Variants in LUZP2 observed in about 807,000 individuals in gnomAD.
The protein encoded by LUZP2 is leucine zipper protein 2.
A neutral mutation model predicts 51.6 loss-of-function variants in LUZP2; 52 were observed. The ratio of observed to expected loss-of-function variants is 1.01; its 90% CI spans 0.81 to 1.27. The LOEUF is 1.27. Ranked by LOEUF, LUZP2 falls within the 50% of genes most tolerant of loss-of-function variation. LUZP2 has a pLI of 0.00. For synonymous variants in LUZP2, 154 were observed against 137.3 expected (o/e 1.12, Z -0.85); for missense variants, 436 against 395.4 (o/e 1.10, Z -0.87).
At chr11:24,509,049 G>A (rs1226403889) in intron 1 of LUZP2, among the ~76,000 whole-genome samples, 1 of 152,140 alleles carries the variant, frequency 6.6e-6, no homozygotes, top group African/African-American at 2.4e-5. Context: ...GTAGAATGAT[G>A]GGACAAAGAA....
chr11:24,932,050 G>T (rs968676792), intron 7 of LUZP2, among the ~76,000 whole-genome samples: 7 of 152,172 alleles, frequency 4.6e-5, no homozygotes, highest in African/African-American at 1.7e-4. Context: ...ACCCACCAGA[G>T]CTACTGGGCT....
At chr11:24,739,181 G>A (rs1859046207) in intron 4 of LUZP2, among the ~76,000 whole-genome samples, 1 of 151,982 alleles carries the variant, frequency 6.6e-6, no homozygotes. Context: ...TGGGTAAGAG[G>A]CTTTGTTGTG....
At chr11:25,024,270 C>G (rs1257301748) in intron 9 of LUZP2, among the ~76,000 whole-genome samples, 2 of 152,034 alleles carry the variant, frequency 1.3e-5, no homozygotes, top group Non-Finnish European at 1.5e-5. Flanking sequence ...CACTCCTATT[C>G]AACGTAGTGT....
At chr11:24,512,840 C>T (rs539070884) in intron 1 of LUZP2, among the ~76,000 whole-genome samples, 37 of 151,764 alleles carry the variant, frequency 2.4e-4, no homozygotes, top group African/African-American at 8.9e-4. Flanking sequence ...ACCTCCGCCT[C>T]CTGGGTACAA....
chr11:24,819,145 A>G (rs1397844310), intron 5 of LUZP2, among the ~76,000 whole-genome samples: 1 of 152,084 alleles, frequency 6.6e-6, no homozygotes, highest in Non-Finnish European at 1.5e-5. Context: ...AGAAAAGGGA[A>G]GGGAGGCAAA....
chr11:25,012,192 C>T lies in LUZP2; in HGVS notation c.765+28899C>T, dbSNP rs1037211921. On this transcript the variant is annotated intron_variant, in intron 9 of 11. Coordinates refer to ENST00000336930, the MANE Select transcript of LUZP2 (RefSeq NM_001009909.4). ...CACTGAGTGACACTTTCCCAGGTCT[C>T]TCACTTACGCAAAATATAATAACCT... Among the ~76,000 whole-genome samples the T allele has an allele frequency of 2.6e-5, 4 of 152,188 alleles. 1 individual carries two copies. The highest frequency in any genetic ancestry group is 2.6e-4 in the Admixed American group (4 of 15,268).
chr11:24,802,161 A>G (rs952855512), intron 5 of LUZP2, among the ~76,000 whole-genome samples: 4 of 151,372 alleles, frequency 2.6e-5, no homozygotes, highest in African/African-American at 9.7e-5. Context: ...ATTTAATTAG[A>G]CTCATACAAT....
chr11:24,697,912 G>A (rs538670650), intron 1 of LUZP2, among the ~76,000 whole-genome samples: 2 of 152,176 alleles, frequency 1.3e-5, no homozygotes, highest in East Asian at 1.9e-4. Flanking sequence ...TCACACTAAG[G>A]AACTGATTCA....
At chr11:24,865,173 G>T (rs921707580) in intron 5 of LUZP2, among the ~76,000 whole-genome samples, 1 of 152,190 alleles carries the variant, frequency 6.6e-6, no homozygotes, top group African/African-American at 2.4e-5. Flanking sequence ...GCTGTGCCAT[G>T]TACTACTTTT....
At chr11:24,920,159 A>G (rs186927577) in intron 7 of LUZP2, among the ~76,000 whole-genome samples, 328 of 152,060 alleles carry the variant, frequency 2.2e-3, no homozygotes, top group Middle Eastern at 0.01. Context: ...AATTCAATCT[A>G]TCAACTTCTC....
chr11:24,861,318 C>G (rs1851733954), intron 5 of LUZP2, among the ~76,000 whole-genome samples: 1 of 152,082 alleles, frequency 6.6e-6, no homozygotes, highest in South Asian at 2.1e-4. Context: ...AGGACCAAAC[C>G]TACAATTGAT....
chr11:24,937,911 A>AG (rs1397226160), intron 7 of LUZP2, among the ~76,000 whole-genome samples: 2 of 151,800 alleles, frequency 1.3e-5, no homozygotes, highest in African/African-American at 2.4e-5. Flanking sequence ...AAAAAAAAAA[A>AG]AAAGAAAGAA....
intron 5 of LUZP2, among the ~76,000 whole-genome samples, chr11:24,867,220 C>G (rs773821205): frequency 1.3e-5 from 2 of 152,070 alleles, no homozygotes; most frequent in African/African-American, 4.8e-5. Context: ...TCTCATCTTA[C>G]GGTAAGACAA....
intron 1 of LUZP2, among the ~76,000 whole-genome samples, chr11:24,564,411 A>G (rs1590185257): frequency 6.6e-6 from 1 of 152,184 alleles, no homozygotes; most frequent in East Asian, 1.9e-4. Context: ...AAATAAGGCA[A>G]ATTACTATCA....
At chr11:24,522,658 C>T (rs1179222162) in intron 1 of LUZP2, among the ~76,000 whole-genome samples, 3 of 151,944 alleles carry the variant, frequency 2.0e-5, no homozygotes, top group Non-Finnish European at 4.4e-5. Flanking sequence ...TATTGCCAAT[C>T]CTAAAGCACT....
intron 5 of LUZP2, among the ~76,000 whole-genome samples, chr11:24,792,213 G>A (rs1849428369): frequency 6.6e-6 from 1 of 151,944 alleles, no homozygotes; most frequent in African/African-American, 2.4e-5. Context: ...CGGGCCATGA[G>A]GTCAGGAAAT....
At chr11:24,516,079 G>A (rs1029792533) in intron 1 of LUZP2, among the ~76,000 whole-genome samples, 5 of 151,856 alleles carry the variant, frequency 3.3e-5, no homozygotes, top group African/African-American at 1.2e-4. Context: ...GATTTTGGAT[G>A]GGCTGTTGAA....
intron 7 of LUZP2, among the ~76,000 whole-genome samples, chr11:24,965,727 T>C (rs922196155): frequency 1.3e-5 from 2 of 151,794 alleles, no homozygotes; most frequent in Non-Finnish European, 3.0e-5. Context: ...GAAGGAACAA[T>C]ATGAAATGTA....
chr11:24,603,391 A>C (rs569102158), intron 1 of LUZP2, among the ~76,000 whole-genome samples: 10 of 151,970 alleles, frequency 6.6e-5, no homozygotes, highest in Admixed American at 2.6e-4. Flanking sequence ...GGTCAAAGGA[A>C]TCTTTATGTA....
Sources: gnomAD v4.1 joint callset for allele counts (sites outside exome capture counted in the v4.1 genomes callset) on GRCh38, gnomAD v4.1.1 for gene constraint, MANE v1.5 for transcripts, NCBI Gene and HGNC (gene_info 2026-07-23, HGNC 2026-07-21) for gene names.